The following CLSTN2 variants were observed in gnomAD, a reference collection of about 807,000 sequenced individuals.
The protein encoded by CLSTN2 is calsyntenin 2, also known as calsyntenin-2.
CLSTN2 carries 48 observed loss-of-function variants against 101.2 expected under a neutral mutation model. The observed-to-expected ratio is 0.47, with a 90% confidence interval of 0.38 to 0.60. The LOEUF is 0.60. Ranked by LOEUF, CLSTN2 falls within the 20% of genes least tolerant of loss-of-function variation. CLSTN2 has a pLI of 0.00. For missense variants in CLSTN2, 1,160 were observed against 1,238.2 expected (o/e 0.94, Z 0.95); for synonymous variants, 481 against 463.6 (o/e 1.04, Z -0.48).
intron 1 of CLSTN2, among the ~76,000 whole-genome samples, chr3:140,098,503 A>C (rs796559033): frequency 4.6e-5 from 7 of 152,354 alleles, no homozygotes; most frequent in African/African-American, 1.7e-4. Flanking sequence ...ACTGAGGGAG[A>C]CAGAGAAAGA....
At chr3:140,459,880 C>A in intron 7 of CLSTN2, 111 bp downstream of exon 7, 2 of 1,245,172 alleles carry the variant, frequency 1.6e-6, no homozygotes, top group Non-Finnish European at 2.3e-6. Flanking sequence ...AAAGCAGGAG[C>A]CTGAGAGGAA....
At chr3:139,971,444 A>T (rs1380018551) in intron 1 of CLSTN2, among the ~76,000 whole-genome samples, 1 of 152,212 alleles carries the variant, frequency 6.6e-6, no homozygotes, top group Non-Finnish European at 1.5e-5. Context: ...CTGGAGATAC[A>T]CAAAGGAGTG....
rs138369908 is a variant in CLSTN2 at position 140,104,654 on chromosome 3, G to A, written c.110-71297G>A. ...AAGAGAAAGTGTCTAAAAAGAGAAA[G>A]TGTTGCTGACAAATAAAAAAATACA... On this transcript the variant is annotated intron_variant, in intron 1 of 16. Transcript: ENST00000458420. Among the ~76,000 whole-genome samples, 13 of 152,326 alleles carry A rather than the reference G, an allele frequency of 8.5e-5. No individual in the cohort carries two copies. The East Asian group carries it at 2.3e-3, about 27-fold the overall frequency.
At chr3:140,436,325 A>G (rs983140143) in intron 5 of CLSTN2, among the ~76,000 whole-genome samples, 5 of 152,184 alleles carry the variant, frequency 3.3e-5, no homozygotes, top group Non-Finnish European at 5.9e-5. Context: ...TCCCAGCACC[A>G]CTTAATGAAG....
At chr3:140,281,794 A>C (rs1201894886) in intron 2 of CLSTN2, among the ~76,000 whole-genome samples, 2 of 151,940 alleles carry the variant, frequency 1.3e-5, no homozygotes, top group Admixed American at 6.6e-5. Flanking sequence ...CCTGAAAACC[A>C]TGTGAAACCA....
intron 2 of CLSTN2, among the ~76,000 whole-genome samples, chr3:140,195,560 T>TA (rs1371126709): frequency 1.3e-5 from 2 of 151,210 alleles, no homozygotes; most frequent in African/African-American, 4.9e-5. Context: ...AAATAGTTTT[T>TA]AAAAAAAAAT....
chr3:139,969,816 G>T (rs898924658), intron 1 of CLSTN2, among the ~76,000 whole-genome samples: 2 of 152,082 alleles, frequency 1.3e-5, no homozygotes, highest in South Asian at 4.2e-4. Context: ...CAAATTCGGG[G>T]ATCTCTCCTC....
At chr3:139,969,476 T>C (rs1935657145) in intron 1 of CLSTN2, among the ~76,000 whole-genome samples, 1 of 152,192 alleles carries the variant, frequency 6.6e-6, no homozygotes, top group Non-Finnish European at 1.5e-5. Flanking sequence ...TTATGCACAA[T>C]CTTGTCACTG....
intron 5 of CLSTN2, among the ~76,000 whole-genome samples, chr3:140,425,022 C>G (rs1218001497): frequency 6.6e-6 from 1 of 152,134 alleles, no homozygotes; most frequent in African/African-American, 2.4e-5. Flanking sequence ...GAGGCCTCTC[C>G]CAAACTGACT....
At chr3:140,296,591 TC>T (rs767150637) in intron 2 of CLSTN2, among the ~76,000 whole-genome samples, 26 of 152,266 alleles carry the variant, frequency 1.7e-4, no homozygotes, top group Non-Finnish European at 2.5e-4. Flanking sequence ...CTCATCATTT[TC>T]TTACTGATTT....
At chr3:139,987,622 T>A (rs1936048450) in intron 1 of CLSTN2, among the ~76,000 whole-genome samples, 1 of 152,218 alleles carries the variant, frequency 6.6e-6, no homozygotes, top group South Asian at 2.1e-4. Flanking sequence ...CTTAGAACTA[T>A]TTTTCTGTCA....
At chr3:140,536,728 GC>G (rs1935366137) in intron 9 of CLSTN2, among the ~76,000 whole-genome samples, 1 of 152,166 alleles carries the variant, frequency 6.6e-6, no homozygotes, top group South Asian at 2.1e-4. Flanking sequence ...TTAAAATTGG[GC>G]TTTATAGAAT....
chr3:140,117,315 G>C (rs983552170), intron 1 of CLSTN2, among the ~76,000 whole-genome samples: 4 of 152,190 alleles, frequency 2.6e-5, no homozygotes, highest in Admixed American at 6.5e-5. Context: ...GCTTGATCCA[G>C]CACATGGGGT....
rs1935932962 is a variant in CLSTN2, at chr3:140,562,319, A to C, written c.2212+11A>C. 6.2e-7 allele frequency: 1 copy of C among 1,608,448 alleles called. No individual in the cohort carries two copies. The highest frequency in any genetic ancestry group is 1.3e-5 in the African/African-American group (1 of 74,750). On this transcript the variant is annotated intron_variant, in intron 13 of 16. Coordinates refer to ENST00000458420, the MANE Select transcript of CLSTN2 (RefSeq NM_022131.3). The stretch of plus-strand genomic sequence containing the variant: ...GCTACTCCATCTACGGTAAGGCCAC[A>C]CTCAGCCCCCTTTGCCCCAAGGGTG...
rs190027075 is a variant in CLSTN2, at chr3:140,313,286, G to A, written c.233-90343G>A. Among the ~76,000 whole-genome samples, 196 of 152,242 alleles carry A rather than the reference G, an allele frequency of 1.3e-3. 3 individuals are homozygous for A. Among genetic ancestry groups the A allele is most frequent in the Admixed American group, 9.7e-3 (148 of 15,298 alleles). On this transcript the variant is annotated intron_variant, in intron 2 of 16. Coordinates refer to ENST00000458420, the MANE Select transcript of CLSTN2 (RefSeq NM_022131.3). ...TAACACTGAAAATTAGAGACTATTA[G>A]TTCCTTTTACAGAAAAGGAAACTGA...
At chr3:140,345,310 G>A (rs912025686) in intron 2 of CLSTN2, among the ~76,000 whole-genome samples, 5 of 150,130 alleles carry the variant, frequency 3.3e-5, no homozygotes, top group Admixed American at 6.7e-5. Context: ...GTGCAATGGC[G>A]TGATCTCGGC....
rs145518527 is a variant in CLSTN2, at chr3:140,035,334, T to C, written c.109+99851T>C. Among the ~76,000 whole-genome samples, 793 of 152,338 alleles carry C rather than the reference T, an allele frequency of 5.2e-3. 9 individuals are homozygous for C. The highest frequency in any genetic ancestry group is 0.016 in the African/African-American group (684 of 41,576). On this transcript the variant is annotated intron_variant, in intron 1 of 16. Coordinates refer to ENST00000458420, the MANE Select transcript of CLSTN2 (RefSeq NM_022131.3). ...TGGTCTATGGATGGGAATGTCATGG[T>C]GCTGTAAACTTTCTGTAAAGCACAT...
intron 1 of CLSTN2, among the ~76,000 whole-genome samples, chr3:139,946,762 G>A (rs140634401): frequency 2.6e-5 from 4 of 152,288 alleles, no homozygotes; most frequent in South Asian, 4.2e-4. Context: ...GAGGATCTGG[G>A]TCTTCTGCTG....
chr3:140,255,837 G>T (rs763446150), intron 2 of CLSTN2, among the ~76,000 whole-genome samples: 55 of 152,126 alleles, frequency 3.6e-4, no homozygotes, highest in Non-Finnish European at 7.1e-4. Flanking sequence ...AGGGCTTGTT[G>T]ATCCTATGCC....
Sources: allele counts gnomAD v4.1 joint callset (sites outside exome capture counted in the v4.1 genomes callset), GRCh38; gene constraint gnomAD v4.1.1; transcripts MANE v1.5; gene names NCBI Gene and HGNC (gene_info 2026-07-23, HGNC 2026-07-21).